MYBPC3: variants seen among roughly 807,000 people sequenced by gnomAD.
MYBPC3 encodes the protein myosin binding protein C3.
MYBPC3 carries 108 observed loss-of-function variants against 159.3 expected under a neutral mutation model. The ratio of observed to expected loss-of-function variants is 0.68; its 90% CI spans 0.58 to 0.80. MYBPC3 has a LOEUF of 0.80. Among genes scored for constraint, MYBPC3 ranks in the 30% least tolerant of loss-of-function variants. The pLI is 0.00. For missense variants in MYBPC3, 1,631 were observed against 1,762.1 expected, an observed-to-expected ratio of 0.93 and a Z score of 1.33; for synonymous variants, 730 against 702.0, an observed-to-expected ratio of 1.04 and a Z score of -0.63.
rs1350450599 is a variant in MYBPC3 at position 47,342,299 on chromosome 11, T to C, written c.1625-143A>G. On this transcript the variant is annotated intron_variant, in intron 17 of 34. Transcript: ENST00000545968. The stretch of plus-strand genomic sequence containing the variant: ...ATGTGAAAACACGTGTGCCTGTGTG[T>C]GCCATGTTTGCCTGTGATGGTGCAG... 3 of 1,141,514 alleles carry C rather than the reference T, an allele frequency of 2.6e-6. No homozygotes were observed. In the Admixed American group the frequency reaches 7.9e-5, roughly 30 times the overall value. 70.7% of individuals were successfully genotyped at this position (1,141,514 alleles called of 1,614,324 possible).
rs367729718 is a variant in MYBPC3 at position 47,335,186 on chromosome 11, G to C, written c.2761C>G (p.Gln921Glu). Residue 921 changes from glutamine (Q) to glutamate (E), a missense_variant, in exon 27 of 35, where the codon CAG becomes GAG. Transcript: ENST00000545968. The part of the protein sequence containing the change: ...EGCSEWVAAL[Q>E]GLTEHTSILV... ...ATCGATGTGTGCTCTGTCAGCCCCT[G>C]CAGGGCAGCCACCCACTCTGAGCCT... 4.0e-5 allele frequency: 64 copies of C among 1,606,406 alleles called. 1 individual carries two copies. The East Asian group carries it at 8.8e-4, about 22-fold the overall frequency.
chr11:47,351,698 C>T lies in MYBPC3; in HGVS notation c.26-193G>A, dbSNP rs143986999. The stretch of plus-strand genomic sequence containing the variant: ...GACACTGAGGCTCAGAGAAGCTAAG[C>T]GGCTCCTCCAAGATCACACAGCTAG... On this transcript the variant is annotated intron_variant, in intron 1 of 34. Coordinates refer to ENST00000545968, the MANE Select transcript of MYBPC3 (RefSeq NM_000256.3). The surrounding 1 kb of genome is among the most constrained non-coding windows in gnomAD (Gnocchi z 4.2). Among the ~76,000 whole-genome samples the T allele has an allele frequency of 2.6e-5, 4 of 152,298 alleles. No individual in the cohort carries two copies. Among genetic ancestry groups the T allele is most frequent in the Non-Finnish European group, 4.4e-5 (3 of 68,010 alleles).
Position 47,348,424 on chromosome 11 carries a change from C to T in MYBPC3, c.772G>A (p.Glu258Lys), listed in dbSNP as rs397516074. The change falls in exon 6 of 35, where the codon GAG (glutamate) becomes AAG (lysine). Residue 258 changes from glutamate to lysine, a missense_variant and splice_region_variant. By Grantham distance (56) the Glu-to-Lys change is moderately conservative (BLOSUM62 1). Transcript: ENST00000545968. ...AGGACAGACACCAGGGCCCCCTCAC[C>T]GTGGACAGTGAGATTGAAGTTGGAG... is the stretch of plus-strand genomic sequence containing the variant. ...DCSNFNLTVHEAMGTGDLDLL... is the reference protein window; with the variant it reads ...DCSNFNLTVHKAMGTGDLDLL... The T allele has an allele frequency of 3.4e-5, 54 of 1,604,418 alleles. No individual in the cohort carries two copies. Among genetic ancestry groups the T allele is most frequent in the Non-Finnish European group, 4.2e-5 (49 of 1,173,020 alleles).
Position 47,331,918 on chromosome 11 carries a change from G to A in MYBPC3, c.3815-37C>T, listed in dbSNP as rs764865050. ...GAGGCCATGTCACTGTGTCCTCCCA[G>A]CCTTCTGGAAGCTATTGCCCATCTG... On this transcript the variant is annotated intron_variant, in intron 33 of 34. Transcript: ENST00000545968. 9 of 1,606,984 alleles carry A rather than the reference G, an allele frequency of 5.6e-6. No individual in the cohort carries two copies. In the Admixed American group the frequency reaches 1.5e-4, roughly 27 times the overall value.
In MYBPC3 at chr11:47,331,407, G is replaced by A. The variant is rs527543611; in HGVS notation, c.*336C>T. 1 of 155,282 alleles carries A rather than the reference G, an allele frequency of 6.4e-6. No individual in the cohort carries two copies. Among genetic ancestry groups the A allele is most frequent in the South Asian group, 2.0e-4 (1 of 4,880 alleles). 9.6% of individuals were successfully genotyped at this position (155,282 alleles called of 1,614,324 possible). ...CAGGCACACCGAAATTGAGAAGAGT[G>A]AGTTCTCTGTGACTGCACTTATCTT... On this transcript the variant is annotated 3_prime_UTR_variant, in exon 35 of 35. Coordinates refer to ENST00000545968, the MANE Select transcript of MYBPC3 (RefSeq NM_000256.3).
At chr11:47,350,414 C>G in intron 3 of MYBPC3, 88 bp downstream of exon 3, 1 of 1,518,134 alleles carries the variant, frequency 6.6e-7, no homozygotes, top group East Asian at 2.5e-5. Flanking sequence ...GCCTGAGCCA[C>G]CGCACCTGGC....
rs11570092 is a variant in MYBPC3 at position 47,338,426 on chromosome 11, G to A, written c.2308+94C>T. ...GCCGCTCGGCTCAGGGAGCATGCCC[G>A]TGATGTTTGTCGAGTGGCTGAATGA... On this transcript the variant is annotated intron_variant, in intron 23 of 34. Transcript: ENST00000545968. The surrounding 1 kb of genome is among the most constrained non-coding windows in gnomAD (Gnocchi z 4.7). The A allele has an allele frequency of 1.4e-3, 2,143 of 1,558,040 alleles. 20 individuals carry two copies. In the African/African-American group the frequency reaches 0.024, roughly 18 times the overall value.
At chr11:47,350,446 T>C in intron 3 of MYBPC3, 56 bp downstream of exon 3, 3 of 1,531,848 alleles carry the variant, frequency 2.0e-6, no homozygotes, top group Non-Finnish European at 2.6e-6. Context: ...TTTTGAGACC[T>C]GCCCTGGACA....
At chr11:47,350,640 T>C in intron 2 of MYBPC3, 25 bp from the exon 3 acceptor site, 1 of 1,453,672 alleles carries the variant, frequency 6.9e-7, no homozygotes, top group Non-Finnish European at 9.0e-7. Flanking sequence ...ATGGGAGTCG[T>C]GGTGCAGCCA....
chr11:47,339,182 C>T, intron 22 of MYBPC3, 142 bp downstream of exon 22: 1 of 851,626 alleles, frequency 1.2e-6, no homozygotes, highest in South Asian at 1.4e-5. Context: ...GGTGTGAGGG[C>T]CCCACAGGGA....
In MYBPC3 at chr11:47,333,282, T is replaced by C. The variant is rs746818740; in HGVS notation, c.3242A>G (p.Asn1081Ser). 6.3e-7 allele frequency: 1 copy of C among 1,590,546 alleles called. No homozygotes were observed. Among genetic ancestry groups the C allele is most frequent in the Non-Finnish European group, 8.6e-7 (1 of 1,168,252 alleles). ...DLRVTDAWGL[N>S]VALEWKPPQD... ...GGGTGGCTTCCACTCCAGAGCCACA[T>C]TAAGACCCCAGGCGTCAGTCACCCG... The change falls in exon 30 of 35, where the codon AAT (asparagine) becomes AGT (serine). Residue 1081 changes from asparagine to serine, a missense_variant. Physicochemically the swap from Asn to Ser is conservative, Grantham distance 46. Transcript: ENST00000545968.
rs767468093 is a variant in MYBPC3, at chr11:47,342,560, C to T, written c.1624+18G>A. On this transcript the variant is annotated intron_variant, in intron 17 of 34. Transcript: ENST00000545968. ...GTCCAAGCCCTAAAGCCTCATGTGC[C>T]CCCCCAGCCAGGCTCACCCTGCACA... is the stretch of plus-strand genomic sequence containing the variant. 9 of 1,556,528 alleles carry T rather than the reference C, an allele frequency of 5.8e-6. No individual in the cohort carries two copies. Among genetic ancestry groups the T allele is most frequent in the Admixed American group, 1.9e-5 (1 of 53,908 alleles).
rs1045098438 is a variant in MYBPC3, at chr11:47,338,329, A to G, written c.2308+191T>C. Among the ~76,000 whole-genome samples the G allele has an allele frequency of 2.0e-5, 3 of 152,208 alleles. No individual in the cohort carries two copies. The highest frequency in any genetic ancestry group is 7.2e-5 in the African/African-American group (3 of 41,452). ...GCTCATGTACAGCAGTGTCGCAGGA[A>G]ATCTGCTGGATGCATCTGCCTCCAT... On this transcript the variant is annotated intron_variant, in intron 23 of 34. Coordinates refer to ENST00000545968, the MANE Select transcript of MYBPC3 (RefSeq NM_000256.3). The surrounding 1 kb of genome is among the most constrained non-coding windows in gnomAD (Gnocchi z 4.7).
Position 47,333,668 on chromosome 11 carries a change from C to G in MYBPC3, c.3079G>C (p.Asp1027His), listed in dbSNP as rs759102022. Residue 1027 changes from aspartate (D) to histidine (H), a missense_variant, in exon 29 of 35, where the codon GAC becomes CAC. By Grantham distance (81) the Asp-to-His change is moderately conservative. Coordinates refer to ENST00000545968, the MANE Select transcript of MYBPC3 (RefSeq NM_000256.3). ...EEVSIRNSPTDTILFIRAARR... is the reference protein window; with the variant it reads ...EEVSIRNSPTHTILFIRAARR... ...GCGGCCCGGATGAACAGGATGGTGT[C>G]TGTGGGGCTGTTGCGGATGCTCACC... 1 of 1,611,216 alleles carries G rather than the reference C, an allele frequency of 6.2e-7. No individual in the cohort carries two copies. Among genetic ancestry groups the G allele is most frequent in the South Asian group, 1.1e-5 (1 of 91,078 alleles).
chr11:47,336,280 G>A (rs1337870619), intron 25 of MYBPC3: 4 of 254,376 alleles, frequency 1.6e-5, no homozygotes, highest in Admixed American at 1.1e-4. Flanking sequence ...CTGAGGTCAG[G>A]AGTTCAAGAC....
chr11:47,339,074 C>G (rs1434608170), intron 22 of MYBPC3, among the ~76,000 whole-genome samples: 1 of 152,042 alleles, frequency 6.6e-6, no homozygotes, highest in East Asian at 1.9e-4. Context: ...ATGAAGGGAG[C>G]CAGGGAGCAG....
rs1003286810 is a variant in MYBPC3, at chr11:47,331,895, G to A, written c.3815-14C>T. 1 of 1,610,118 alleles carries A rather than the reference G, an allele frequency of 6.2e-7. No homozygotes were observed. The highest frequency in any genetic ancestry group is 8.5e-7 in the Non-Finnish European group (1 of 1,178,510). On this transcript the variant is annotated splice_polypyrimidine_tract_variant and intron_variant, in intron 33 of 34. Transcript: ENST00000545968. ...GTCACTGAGGCACTGCAGAAGAGGA[G>A]GCCATGTCACTGTGTCCTCCCAGCC...
intron 25 of MYBPC3, chr11:47,336,314 T>G (rs1456808610): frequency 4.9e-6 from 1 of 203,238 alleles, no homozygotes; most frequent in East Asian, 1.2e-4. Context: ...ATGGTGAAAC[T>G]CCGTCTCTAC....
At chr11:47,352,563 C>A in intron 1 of MYBPC3, 60 bp downstream of exon 1, 1 of 1,594,924 alleles carries the variant, frequency 6.3e-7, no homozygotes, top group Non-Finnish European at 8.5e-7. Flanking sequence ...TAGCCCTGCT[C>A]CCCAATTGTA....
Sources: gnomAD v4.1 joint callset for allele counts (sites outside exome capture counted in the v4.1 genomes callset) on GRCh38, gnomAD v4.1.1 for gene constraint, Gnocchi (gnomAD v3.1) non-coding constraint, MANE v1.5 for transcripts, NCBI Gene and HGNC (gene_info 2026-07-23, HGNC 2026-07-21) for gene names.